Variants in CLEC9A observed in about 807,000 individuals in gnomAD.
The protein encoded by CLEC9A is C-type lectin domain containing 9A, also known as C-type lectin domain family 9 member A.
A neutral mutation model predicts 30.0 loss-of-function variants in CLEC9A; 24 were observed. The ratio of observed to expected loss-of-function variants is 0.80; its 90% CI spans 0.58 to 1.13. CLEC9A has a LOEUF of 1.13. CLEC9A is among the 50% of genes most tolerant of loss of function. The pLI, the probability that CLEC9A is intolerant of heterozygous loss-of-function variation, is 0.00. For synonymous variants in CLEC9A, 111 were observed against 96.8 expected (o/e 1.15, Z -0.86); for missense variants, 251 against 280.9 (o/e 0.89, Z 0.76).
chr12:10,043,784 T>C (rs1009514712), intron 2 of CLEC9A, among the ~76,000 whole-genome samples: 1 of 151,938 alleles, frequency 6.6e-6, no homozygotes, highest in Non-Finnish European at 1.5e-5. Flanking sequence ...TGGGTTCAAG[T>C]GAGTCTCATG....
At chr12:10,045,135 C>T (rs558745045) in intron 2 of CLEC9A, among the ~76,000 whole-genome samples, 2 of 152,292 alleles carry the variant, frequency 1.3e-5, no homozygotes, top group South Asian at 4.1e-4. Context: ...GCTCTTTGTC[C>T]TGTTCATCTA....
Position 10,061,139 on chromosome 12 carries a change from C to T in CLEC9A, c.185C>T (p.Ser62Phe). Residue 62 changes from serine (S) to phenylalanine (F), a missense_variant, in exon 6 of 9, where the codon TCC becomes TTC. Physicochemically the swap from Ser to Phe is radical, Grantham distance 155. Transcript: ENST00000355819. ...IFLGVKLLQV[S>F]TIAMQQQEKL... ...CTATCATGTGAAGTGTTGCAGGTGT[C>T]CACCATTGCGATGCAGCAGCAAGAA... The T allele has an allele frequency of 6.2e-7, 1 of 1,610,112 alleles. No homozygotes were observed. Among genetic ancestry groups the T allele is most frequent in the South Asian group, 1.1e-5 (1 of 90,176 alleles).
chr12:10,053,710 T>C (rs924614284), intron 4 of CLEC9A, among the ~76,000 whole-genome samples: 2 of 152,204 alleles, frequency 1.3e-5, no homozygotes, highest in East Asian at 1.9e-4. Context: ...TATTTTTCTC[T>C]GATTAGTGTT....
At position 10,065,640 on chromosome 12, in the gene CLEC9A, T is replaced by C. The variant is rs377251547; in HGVS notation, c.*8T>C. On this transcript the variant is annotated 3_prime_UTR_variant, in exon 9 of 9. Transcript: ENST00000355819. ...TTGAGATCCTCTGTCTGAAAGAAATTGTGTTCAAAGTGTTCTATTACACTG... is the reference window on the plus strand; with the variant it reads ...TTGAGATCCTCTGTCTGAAAGAAATCGTGTTCAAAGTGTTCTATTACACTG... 9 of 1,613,490 alleles carry C rather than the reference T, an allele frequency of 5.6e-6. No individual in the cohort carries two copies. Among genetic ancestry groups the C allele is most frequent in the Non-Finnish European group, 7.6e-6 (9 of 1,179,612 alleles).
chr12:10,061,281 A>AT lies in CLEC9A; in HGVS notation c.319+9dup, dbSNP rs767331613. The stretch of plus-strand genomic sequence containing the variant: ...AAAACTCATTAAGTTCAGGTAATGG[A>AT]TAAAAATCAGTTTCCACTGTATACA... On this transcript the variant is annotated intron_variant, in intron 6 of 8. Coordinates refer to ENST00000355819, the MANE Select transcript of CLEC9A (RefSeq NM_207345.4). The AT allele has an allele frequency of 6.2e-7, 1 of 1,604,088 alleles. No individual in the cohort carries two copies. The highest frequency in any genetic ancestry group is 1.3e-5 in the African/African-American group (1 of 74,154).
At chr12:10,064,669 A>G in intron 7 of CLEC9A, 63 bp from the exon 8 acceptor site, 1 of 1,531,710 alleles carries the variant, frequency 6.5e-7, no homozygotes, top group Non-Finnish European at 8.8e-7. Flanking sequence ...GTCACACTTT[A>G]TATTTCACTA....
intron 5 of CLEC9A, among the ~76,000 whole-genome samples, chr12:10,055,511 A>G (rs1188415854): frequency 3.9e-5 from 6 of 152,220 alleles, no homozygotes; most frequent in Non-Finnish European, 2.9e-5. Context: ...TTAATTCTAT[A>G]TAATGAATTT....
chr12:10,063,413 A>C (rs1179126117), intron 7 of CLEC9A, among the ~76,000 whole-genome samples: 2 of 152,204 alleles, frequency 1.3e-5, no homozygotes, highest in Admixed American at 1.3e-4. Flanking sequence ...TGGTTTTCTG[A>C]AATCGAGAAG....
intron 1 of CLEC9A, among the ~76,000 whole-genome samples, chr12:10,039,531 T>C (rs73054661): frequency 6.6e-6 from 1 of 152,222 alleles, no homozygotes; most frequent in African/African-American, 2.4e-5. Context: ...ATCCTAAGAA[T>C]CAGCCAAAAT....
chr12:10,043,666 ATATG>A (rs1394221160), intron 2 of CLEC9A, among the ~76,000 whole-genome samples: 73 of 21,228 alleles, frequency 3.4e-3, no homozygotes, highest in African/African-American at 5.9e-3. Flanking sequence ...CTCTGCATAT[ATATG>A]TATATATATA....
Position 10,053,538 on chromosome 12 carries a change from G to C in CLEC9A, c.92-733G>C, listed in dbSNP as rs577121968. On this transcript the variant is annotated intron_variant, in intron 4 of 8. Coordinates refer to ENST00000355819, the MANE Select transcript of CLEC9A (RefSeq NM_207345.4). ...CTACCTCTCATTTAAAAGGGATCCA[G>C]ATAATTCAGGCTAATCTTCCCATCC... Among the ~76,000 whole-genome samples the C allele has an allele frequency of 1.3e-4, 20 of 152,252 alleles. No individual in the cohort carries two copies. In the South Asian group the frequency reaches 3.7e-3, roughly 28 times the overall value.
intron 1 of CLEC9A, among the ~76,000 whole-genome samples, chr12:10,032,393 T>TC (rs1865706239): frequency 7.0e-6 from 1 of 143,878 alleles, no homozygotes; most frequent in Admixed American, 6.8e-5. Flanking sequence ...GGATTTCTTT[T>TC]TTTTTTTTTT....
At chr12:10,048,012 T>C (rs546159067) in intron 2 of CLEC9A, among the ~76,000 whole-genome samples, 46 of 150,898 alleles carry the variant, frequency 3.0e-4, no homozygotes, top group Admixed American at 7.2e-4. Context: ...GGCGGGTGGA[T>C]CATGAGGTCA....
chr12:10,060,585 G>A (rs1865987886), intron 5 of CLEC9A: 1 of 153,586 alleles, frequency 6.5e-6, no homozygotes, highest in African/African-American at 2.4e-5. Flanking sequence ...CTTATAAAAG[G>A]GCAAGGACAG....
At chr12:10,046,701 G>A (rs1786774733) in intron 2 of CLEC9A, among the ~76,000 whole-genome samples, 1 of 152,190 alleles carries the variant, frequency 6.6e-6, no homozygotes, top group African/African-American at 2.4e-5. Flanking sequence ...GTTAAAACAT[G>A]GAGATGTTCA....
chr12:10,032,457 C>T, intron 1 of CLEC9A, among the ~76,000 whole-genome samples: 1 of 135,670 alleles, frequency 7.4e-6, no homozygotes, highest in African/African-American at 2.7e-5. Context: ...GTGGCGCAAT[C>T]TCGGCTCACT....
Position 10,064,828 on chromosome 12 carries a change from G to T in CLEC9A, c.568G>T (p.Asp190Tyr), listed in dbSNP as rs771651600. 1 of 1,613,328 alleles carries T rather than the reference G, an allele frequency of 6.2e-7. No individual in the cohort carries two copies. The highest frequency in any genetic ancestry group is 1.1e-5 in the South Asian group (1 of 90,956). ...DGHSGRWLWQ[D>Y]GSSPSPGLLP... ...ACACAGCGGACGCTGGCTTTGGCAA[G>T]ATGGCTCCTCTCCTTCTCCTGGCCT... Residue 190 changes from aspartate (D) to tyrosine (Y), a missense_variant, in exon 8 of 9, where the codon GAT becomes TAT. Transcript: ENST00000355819.
intron 6 of CLEC9A, 59 bp downstream of exon 6, chr12:10,061,332 A>T: frequency 6.8e-7 from 1 of 1,469,962 alleles, no homozygotes; most frequent in Non-Finnish European, 9.1e-7. Flanking sequence ...CAATACCTCA[A>T]AAGAAACAGT....
intron 1 of CLEC9A, among the ~76,000 whole-genome samples, chr12:10,037,327 T>G (rs1865752240): frequency 6.6e-6 from 1 of 152,204 alleles, no homozygotes; most frequent in Admixed American, 6.5e-5. Flanking sequence ...TACCTGCATT[T>G]GTATAATTAT....
Sources: allele counts gnomAD v4.1 joint callset (sites outside exome capture counted in the v4.1 genomes callset), GRCh38; gene constraint gnomAD v4.1.1; transcripts MANE v1.5; gene names NCBI Gene and HGNC (gene_info 2026-07-23, HGNC 2026-07-21).